ANOS1: variants seen among roughly 807,000 people sequenced by gnomAD.
ANOS1 encodes anosmin 1.
A neutral mutation model predicts 59.0 loss-of-function variants in ANOS1; 6 were observed. That is an observed-to-expected ratio of 0.10 (90% CI 0.06 to 0.20). The LOEUF (loss-of-function observed/expected upper bound fraction) is 0.20. ANOS1 is among the 10% of genes least tolerant of loss of function. The pLI, the probability that ANOS1 is intolerant of heterozygous loss-of-function variation, is 1.00. For missense variants in ANOS1, 433 were observed against 542.3 expected (o/e 0.80, Z 2.00); for synonymous variants, 217 against 223.4 (o/e 0.97, Z 0.25).
intron 1 of ANOS1, among the ~76,000 whole-genome samples, chrX:8,727,805 C>T (rs1019447855): frequency 9.8e-5 from 11 of 112,276 alleles, no homozygotes; most frequent in African/African-American, 3.6e-4. Context: ...GCCTGTTGGA[C>T]CCTCTGGCCA....
chrX:8,594,675 T>C (rs868734944), intron 4 of ANOS1, among the ~76,000 whole-genome samples: 27 of 56,757 alleles, frequency 4.8e-4, no homozygotes, highest in African/African-American at 1.6e-3. Context: ...TATATATATA[T>C]ATATATATAT....
intron 2 of ANOS1, among the ~76,000 whole-genome samples, chrX:8,633,198 C>A (rs1486041426): frequency 9.0e-6 from 1 of 111,640 alleles, no homozygotes; most frequent in Non-Finnish European, 1.9e-5. Flanking sequence ...CTGAGACGTT[C>A]GCATCACAAA....
At chrX:8,603,589 A>C (rs1282798182) in intron 3 of ANOS1, among the ~76,000 whole-genome samples, 1 of 112,426 alleles carries the variant, frequency 8.9e-6, no homozygotes, top group Non-Finnish European at 1.9e-5. Context: ...TTTGGTATAA[A>C]ATGCAAGGTA....
At chrX:8,550,274 C>T (rs992706867) in intron 9 of ANOS1, among the ~76,000 whole-genome samples, 3 of 111,033 alleles carry the variant, frequency 2.7e-5, no homozygotes, top group Non-Finnish European at 1.9e-5. Context: ...ACACAAATAC[C>T]TTGGAAAAAT....
At chrX:8,703,924 G>T (rs955347736) in intron 1 of ANOS1, among the ~76,000 whole-genome samples, 8 of 111,887 alleles carry the variant, frequency 7.2e-5, no homozygotes, top group African/African-American at 2.6e-4. Context: ...GATATGGTTT[G>T]GTTGTGTTCC....
chrX:8,666,427 T>C (rs1381741107), intron 2 of ANOS1, among the ~76,000 whole-genome samples: 2 of 111,479 alleles, frequency 1.8e-5, no homozygotes, highest in Non-Finnish European at 3.8e-5. Context: ...TAGATTATTT[T>C]CCCTATATCA....
chrX:8,629,519 G>A (rs972324994), intron 2 of ANOS1, among the ~76,000 whole-genome samples: 7 of 111,711 alleles, frequency 6.3e-5, no homozygotes, highest in African/African-American at 2.3e-4. Flanking sequence ...GTAAACTATG[G>A]TGCTCCCAGA....
chrX:8,592,740 A>T (rs989450982), intron 4 of ANOS1, among the ~76,000 whole-genome samples: 2 of 111,915 alleles, frequency 1.8e-5, no homozygotes, highest in African/African-American at 6.5e-5. Flanking sequence ...AACTATATGA[A>T]GTTTTGCATT....
intron 10 of ANOS1, among the ~76,000 whole-genome samples, chrX:8,537,442 A>C (rs1310149033): frequency 8.9e-6 from 1 of 111,994 alleles, no homozygotes. Context: ...ATATAAATAA[A>C]AGAAAGAGGC....
chrX:8,631,633 A>C (rs1280608366), intron 2 of ANOS1, among the ~76,000 whole-genome samples: 4 of 111,988 alleles, frequency 3.6e-5, no homozygotes, highest in Non-Finnish European at 7.5e-5. Context: ...GCAGAAAACA[A>C]AGGATCAAAC....
chrX:8,540,279 C>G lies in ANOS1; in HGVS notation c.1355-521G>C, dbSNP rs372537029. ...CCTTCACACTTGCAGAATTGGCTAT[C>G]CACGTTTATTTCCTGTTATGTATTG... On this transcript the variant is annotated intron_variant, in intron 9 of 13. Transcript: ENST00000262648. Among the ~76,000 whole-genome samples the G allele has an allele frequency of 7.2e-5, 8 of 111,442 alleles. No homozygotes were observed. The East Asian group carries it at 8.5e-4, about 12-fold the overall frequency.
intron 4 of ANOS1, among the ~76,000 whole-genome samples, chrX:8,592,305 GT>G (rs1930635707): frequency 8.9e-6 from 1 of 111,752 alleles, no homozygotes; most frequent in African/African-American, 3.3e-5. Context: ...AAATTTATTT[GT>G]GAGAAGTTGT....
chrX:8,668,611 C>T (rs933205157), intron 2 of ANOS1, among the ~76,000 whole-genome samples: 1 of 104,768 alleles, frequency 9.5e-6, no homozygotes, highest in African/African-American at 3.5e-5. Flanking sequence ...ATCACAATTT[C>T]TTTATCCACT....
chrX:8,672,965 A>G (rs1932280013), intron 2 of ANOS1, among the ~76,000 whole-genome samples: 1 of 112,051 alleles, frequency 8.9e-6, no homozygotes, highest in African/African-American at 3.2e-5. Flanking sequence ...AGGAGCATAT[A>G]ACTAAATAAA....
At chrX:8,599,378 T>C (rs5933669) in intron 3 of ANOS1, among the ~76,000 whole-genome samples, 41,885 of 110,444 alleles carry the variant, frequency 0.38, 5,745 homozygotes, top group South Asian at 0.43. Context: ...AGCAGCTCAG[T>C]GCCAGCATGC....
chrX:8,533,272 GAAAAAGAAGAC>G (rs1175076676), intron 13 of ANOS1, among the ~76,000 whole-genome samples: 1 of 111,224 alleles, frequency 9.0e-6, no homozygotes, highest in East Asian at 2.8e-4. Context: ...AAAATAACAA[GAAAAAGAAGAC>G]AAGCTCCTTT....
chrX:8,675,725 G>A (rs1932325589), intron 2 of ANOS1, among the ~76,000 whole-genome samples: 1 of 108,321 alleles, frequency 9.2e-6, no homozygotes, highest in South Asian at 4.1e-4. Flanking sequence ...TAAGTTCCAG[G>A]GTACATGTGC....
chrX:8,644,847 T>C lies in ANOS1; in HGVS notation c.256-21177A>G, dbSNP rs139271540. ...ACCCACCTATGACCTGGAAGCCCTC[T>C]GCTTTGAAATGTCCTGCCCTTTCAG... On this transcript the variant is annotated intron_variant, in intron 2 of 13. Coordinates refer to ENST00000262648, the MANE Select transcript of ANOS1 (RefSeq NM_000216.4). Among the ~76,000 whole-genome samples, 497 of 112,859 alleles carry C rather than the reference T, an allele frequency of 4.4e-3. 2 individuals are homozygous for C. The highest frequency in any genetic ancestry group is 0.015 in the African/African-American group (482 of 31,116).
chrX:8,536,187 G>GGTTTTTTTTTT (rs1569252182), intron 11 of ANOS1, among the ~76,000 whole-genome samples: 2 of 32,017 alleles, frequency 6.2e-5, no homozygotes, highest in East Asian at 3.1e-3. Flanking sequence ...TAAATCCGAA[G>GGTTTTTTTTTT]CTTTTTTTTT....
Sources: allele counts gnomAD v4.1 joint callset (sites outside exome capture counted in the v4.1 genomes callset), GRCh38; gene constraint gnomAD v4.1.1; transcripts MANE v1.5; gene names NCBI Gene and HGNC (gene_info 2026-07-23, HGNC 2026-07-21).